Variants in SIN3B observed in about 807,000 individuals in gnomAD.
SIN3B encodes the protein SIN3 transcription regulator family member B, also known as paired amphipathic helix protein Sin3b.
In SIN3B, 19 loss-of-function variants were observed where a neutral mutation model predicts 120.2. The ratio of observed to expected loss-of-function variants is 0.16; its 90% CI spans 0.11 to 0.23. The LOEUF is 0.23. Among genes scored for constraint, SIN3B ranks in the 10% least tolerant of loss-of-function variants. The probability of loss-of-function intolerance (pLI) is 1.00; values close to 1 mark genes in which losing one functional copy is unlikely to be tolerated. For synonymous variants in SIN3B, 654 were observed against 653.2 expected (o/e 1.00, Z -0.02); for missense variants, 1,073 against 1,573.0 (o/e 0.68, Z 5.38).
chr19:16,857,553 G>GTGTGTGTATATA (rs66778532), intron 8 of SIN3B, among the ~76,000 whole-genome samples: 5 of 139,546 alleles, frequency 3.6e-5, no homozygotes, highest in African/African-American at 1.3e-4. Context: ...GTGTGTGTGT[G>GTGTGTGTATATA]TATATATACA....
chr19:16,878,480 C>A lies in SIN3B; in HGVS notation c.3163-17C>A. The A allele has an allele frequency of 6.4e-7, 1 of 1,562,906 alleles. No homozygotes were observed. The stretch of plus-strand genomic sequence containing the variant: ...GGTCCAGCCCTCAGCTGCCCTGACA[C>A]CCGGCCTCTTCAACAGGTGCAGCCC... On this transcript the variant is annotated splice_polypyrimidine_tract_variant and intron_variant, in intron 18 of 18. Coordinates refer to ENST00000248054, the MANE Select transcript of SIN3B (RefSeq NM_001297595.2).
chr19:16,850,552 A>G (rs1971531429), intron 5 of SIN3B, among the ~76,000 whole-genome samples: 1 of 151,990 alleles, frequency 6.6e-6, no homozygotes. Flanking sequence ...CAGATGCACC[A>G]TGACTTGTCC....
rs372556106 is a variant in SIN3B at position 16,878,679 on chromosome 19, C to G, written c.3345C>G (p.Pro1115=). The change falls in exon 19 of 19, where the codon CCC becomes CCG. Residue 1115 remains proline, a synonymous_variant. Transcript: ENST00000248054. The stretch of plus-strand genomic sequence containing the variant: ...AGACAGTGCACGTGCACGGCCTGCC[C>G]GTGACCCGCTACCGCGTGCAGTACA... ...LCETVHVHGL[P]VTRYRVQYSR... 12 of 1,612,336 alleles carry G rather than the reference C, an allele frequency of 7.4e-6. No homozygotes were observed. Among genetic ancestry groups the G allele is most frequent in the Middle Eastern group, 1.7e-4 (1 of 5,822 alleles).
In SIN3B at chr19:16,840,257, C is replaced by T. The variant is rs372461646; in HGVS notation, c.382-1511C>T. ...TTTGAAGAGGTGATTTAACTGAGGC[C>T]GTTAGGGTAGGCCCTAATCCAGTCT... On this transcript the variant is annotated intron_variant, in intron 3 of 18. Coordinates refer to ENST00000248054, the MANE Select transcript of SIN3B (RefSeq NM_001297595.2). 6.6e-5 allele frequency among the ~76,000 whole-genome samples: 10 copies of T among 152,114 alleles called. No individual in the cohort carries two copies. In the South Asian group the frequency reaches 1.7e-3, roughly 25 times the overall value.
At position 16,862,831 on chromosome 19, in the gene SIN3B, G is replaced by A; in HGVS notation, c.1266+272G>A. The A allele has an allele frequency of 1.5e-6, 2 of 1,373,426 alleles. No homozygotes were observed. 85.1% of individuals were successfully genotyped at this position (1,373,426 alleles called of 1,614,324 possible). A position where few individuals can be genotyped will look rare whatever the true frequency, so the allele number is the denominator to read the frequency against. On this transcript the variant is annotated intron_variant, in intron 9 of 18. Transcript: ENST00000248054. This position sits in a 1 kb window ranked among gnomAD's most constrained non-coding sequence, Gnocchi z 4.7. ...TGTTATTTGACTTAGGTTTATTGCT[G>A]CCATGATTCTGCTCTGTCCCGGGCT...
Position 16,862,863 on chromosome 19 carries a change from C to A in SIN3B, c.1266+304C>A. 1.3e-6 allele frequency: 2 copies of A among 1,590,632 alleles called. No homozygotes were observed. The highest frequency in any genetic ancestry group is 1.7e-6 in the Non-Finnish European group (2 of 1,158,630). On this transcript the variant is annotated intron_variant, in intron 9 of 18. Transcript: ENST00000248054. The surrounding 1 kb of genome is among the most constrained non-coding windows in gnomAD (Gnocchi z 4.7). ...TTCTGCTCTGTCCCGGGCTCACTGA[C>A]CTCAGTGTGTTTCTGTTTAGCTTGA...
intron 12 of SIN3B, among the ~76,000 whole-genome samples, chr19:16,869,202 T>C (rs1354415041): frequency 6.6e-6 from 1 of 152,126 alleles, no homozygotes; most frequent in Non-Finnish European, 1.5e-5. Flanking sequence ...TCTTGGCTCC[T>C]TTGTCTGGGG....
chr19:16,879,400 C>A lies in SIN3B; in HGVS notation c.*673C>A, dbSNP rs2051662880. 6.6e-6 allele frequency: 1 copy of A among 152,340 alleles called. No homozygotes were observed. The highest frequency in any genetic ancestry group is 1.5e-5 in the Non-Finnish European group (1 of 68,164). The allele number at this position is 152,340 out of a possible 1,614,324, so 9.4% of individuals were successfully genotyped here. On this transcript the variant is annotated 3_prime_UTR_variant, in exon 19 of 19. Coordinates refer to ENST00000248054, the MANE Select transcript of SIN3B (RefSeq NM_001297595.2). The stretch of plus-strand genomic sequence containing the variant: ...CTCTGGATAAGACACCCAACCCCAA[C>A]TCCAGCAGCTGGACTCTGGGCCCAC...
At chr19:16,831,935 C>G (rs1468115872) in intron 3 of SIN3B, among the ~76,000 whole-genome samples, 3 of 152,184 alleles carry the variant, frequency 2.0e-5, no homozygotes, top group African/African-American at 7.2e-5. Context: ...ATAACCACCT[C>G]AGCAGTTGCT....
chr19:16,850,114 C>T (rs979734657), intron 5 of SIN3B, among the ~76,000 whole-genome samples: 1 of 151,982 alleles, frequency 6.6e-6, no homozygotes, highest in African/African-American at 2.4e-5. Flanking sequence ...TTATTCCCCC[C>T]AAATTATTCT....
intron 8 of SIN3B, among the ~76,000 whole-genome samples, chr19:16,857,879 TTTC>T (rs1307808456): frequency 1.3e-5 from 2 of 152,166 alleles, no homozygotes; most frequent in African/African-American, 4.8e-5. Context: ...TTTCTTTTCT[TTTC>T]TTTTCTTTTT....
intron 2 of SIN3B, 88 bp downstream of exon 2, chr19:16,829,985 C>G: frequency 1.2e-6 from 1 of 855,910 alleles, no homozygotes; most frequent in South Asian, 1.4e-5. Flanking sequence ...TCCAGCCTGC[C>G]CCCTTAGCCG....
At chr19:16,859,858 C>T (rs1454021581) in intron 8 of SIN3B, among the ~76,000 whole-genome samples, 1 of 152,116 alleles carries the variant, frequency 6.6e-6, no homozygotes, top group African/African-American at 2.4e-5. Flanking sequence ...GGTGTTGGCA[C>T]CTGGGTCCAG....
chr19:16,863,329 A>ACCACGACC, intron 9 of SIN3B: 1 of 358,656 alleles, frequency 2.8e-6, no homozygotes, highest in Non-Finnish European at 5.0e-6. Flanking sequence ...AATGCAGTGT[A>ACCACGACC]ACAATGATCT....
At chr19:16,877,500 C>T (rs1445083223) in intron 16 of SIN3B, 45 bp from the exon 17 acceptor site, 1 of 1,421,562 alleles carries the variant, frequency 7.0e-7, no homozygotes, top group Non-Finnish European at 9.8e-7. Flanking sequence ...GTGGCCATAG[C>T]CCTGCTGTAG....
At chr19:16,866,653 G>A (rs1490536158) in intron 12 of SIN3B, 97 bp downstream of exon 12, 5 of 1,245,516 alleles carry the variant, frequency 4.0e-6, no homozygotes, top group Non-Finnish European at 5.7e-6. Context: ...GTTAGGCAGG[G>A]TAGTGGCATT....
chr19:16,851,567 C>G, intron 6 of SIN3B, 33 bp downstream of exon 6: 1 of 1,545,526 alleles, frequency 6.5e-7, no homozygotes, highest in East Asian at 2.4e-5. Flanking sequence ...CATGCCTGCA[C>G]GCGGGGCCCC....
rs1340386230 is a variant in SIN3B, at chr19:16,869,766, C to T, written c.2113C>T (p.Pro705Ser). 1 of 1,613,480 alleles carries T rather than the reference C, an allele frequency of 6.2e-7. No individual in the cohort carries two copies. Among genetic ancestry groups the T allele is most frequent in the South Asian group, 1.1e-5 (1 of 91,074 alleles). ...TGAGCGGAAGAAGCCGGCGCCAGGA[C>T]CCCACAGTAGCCCCCCAGAGGAGAA... ...PSERKKPAPG[P>S]HSSPPEEKGA... Residue 705 changes from proline to serine, a missense_variant, in exon 13 of 19, where the codon CCC (proline) becomes TCC (serine). Pro to Ser is a moderately conservative substitution (Grantham distance 74). Coordinates refer to ENST00000248054, the MANE Select transcript of SIN3B (RefSeq NM_001297595.2).
At chr19:16,866,000 A>G (rs1971766900) in intron 11 of SIN3B, among the ~76,000 whole-genome samples, 1 of 152,218 alleles carries the variant, frequency 6.6e-6, no homozygotes, top group Admixed American at 6.5e-5. Context: ...ACAGGCATTT[A>G]TCAAGTGGTC....
Sources: allele counts gnomAD v4.1 joint callset (sites outside exome capture counted in the v4.1 genomes callset), GRCh38; gene constraint gnomAD v4.1.1; non-coding constraint Gnocchi (gnomAD v3.1); transcripts MANE v1.5; gene names NCBI Gene and HGNC (gene_info 2026-07-23, HGNC 2026-07-21).